The following DYRK1A variants were observed in gnomAD, a reference collection of about 807,000 sequenced individuals.
The protein encoded by DYRK1A is dual specificity tyrosine-phosphorylation-regulated kinase 1A.
In DYRK1A, 9 loss-of-function variants were observed where a neutral mutation model predicts 79.7. That is an observed-to-expected ratio of 0.11 (90% CI 0.07 to 0.20). The LOEUF is 0.20. Among genes scored for constraint, DYRK1A ranks in the 10% least tolerant of loss-of-function variants. The pLI, the probability that DYRK1A is intolerant of heterozygous loss-of-function variation, is 1.00. For missense variants in DYRK1A, 622 were observed against 956.0 expected, an observed-to-expected ratio of 0.65 and a Z score of 4.61; for synonymous variants, 349 against 329.7, an observed-to-expected ratio of 1.06 and a Z score of -0.63.
intron 2 of DYRK1A, among the ~76,000 whole-genome samples, chr21:37,465,452 C>T (rs922051166): frequency 6.6e-6 from 1 of 152,186 alleles, no homozygotes; most frequent in African/African-American, 2.4e-5. Context: ...GGATTATCCA[C>T]TACTTGAATT....
rs771988298 is a variant in DYRK1A, at chr21:37,511,933, C to T, written c.1667C>T (p.Pro556Leu). The T allele has an allele frequency of 3.1e-6, 5 of 1,613,362 alleles. No homozygotes were observed. The highest frequency in any genetic ancestry group is 1.1e-5 in the South Asian group (1 of 91,072). ...SPQVRQQFPA[P>L]LGWSGTEAPT... ...CAGGTGCGTCAGCAATTTCCTGCTC[C>T]TCTTGGTTGGTCAGGCACTGAAGCT... The change falls in exon 12 of 12, where the codon CCT (proline) becomes CTT (leucine). Residue 556 changes from proline (P) to leucine (L), a missense_variant. Physicochemically the swap from Pro to Leu is moderately conservative, Grantham distance 98. Around this residue, in one of 5 missense-constraint regions of DYRK1A, gnomAD observed 292 missense variants for 316.7 expected, o/e 0.92. Coordinates refer to ENST00000647188, the MANE Select transcript of DYRK1A (RefSeq NM_001347721.2).
intron 1 of DYRK1A, among the ~76,000 whole-genome samples, chr21:37,414,194 A>C (rs755526355): frequency 6.6e-6 from 1 of 152,066 alleles, no homozygotes; most frequent in Non-Finnish European, 1.5e-5. Flanking sequence ...TGATGGTGAC[A>C]CCCGTTACCC....
intron 1 of DYRK1A, among the ~76,000 whole-genome samples, chr21:37,410,343 C>T (rs1287794430): frequency 6.6e-6 from 1 of 152,084 alleles, no homozygotes; most frequent in Non-Finnish European, 1.5e-5. Context: ...ACAGTGTGAA[C>T]TTAAGTTGGT....
chr21:37,471,643 C>A (rs779716725), intron 2 of DYRK1A, among the ~76,000 whole-genome samples: 1 of 152,196 alleles, frequency 6.6e-6, no homozygotes, highest in Non-Finnish European at 1.5e-5. Context: ...CATGGCCATA[C>A]AGCTGGTCAC....
intron 1 of DYRK1A, among the ~76,000 whole-genome samples, chr21:37,380,378 T>A (rs543490553): frequency 2.2e-4 from 34 of 152,306 alleles, no homozygotes; most frequent in African/African-American, 7.2e-4. Flanking sequence ...TAGGATCTCA[T>A]TGAGTATTTT....
intron 2 of DYRK1A, among the ~76,000 whole-genome samples, chr21:37,457,397 T>TTGTGTG (rs908761225): frequency 5.3e-5 from 8 of 151,108 alleles, no homozygotes; most frequent in African/African-American, 1.7e-4. Flanking sequence ...GATCGCCTAA[T>TTGTGTG]TGTGTGTGTG....
At chr21:37,421,837 A>C (rs1446319295) in intron 2 of DYRK1A, 1 of 152,154 alleles carries the variant, frequency 6.6e-6, no homozygotes, top group Non-Finnish European at 1.5e-5. Flanking sequence ...CACATTGGCT[A>C]TACCAAGTAG....
At chr21:37,413,302 G>C (rs1231853400) in intron 1 of DYRK1A, among the ~76,000 whole-genome samples, 3 of 151,872 alleles carry the variant, frequency 2.0e-5, no homozygotes, top group Non-Finnish European at 4.4e-5. Context: ...TAAAGGCAAT[G>C]GTTTATAAAA....
intron 1 of DYRK1A, among the ~76,000 whole-genome samples, chr21:37,385,209 G>A (rs1256727950): frequency 6.6e-6 from 1 of 152,152 alleles, no homozygotes; most frequent in Non-Finnish European, 1.5e-5. Flanking sequence ...TCACCACAGA[G>A]TTAGTAGCTT....
chr21:37,431,653 C>T (rs1003337294), intron 2 of DYRK1A, among the ~76,000 whole-genome samples: 3 of 152,160 alleles, frequency 2.0e-5, no homozygotes, highest in Non-Finnish European at 4.4e-5. Context: ...AGCTTCCCAC[C>T]AAGGTTCTTG....
At chr21:37,380,975 A>C (rs1280590625) in intron 1 of DYRK1A, among the ~76,000 whole-genome samples, 2 of 152,158 alleles carry the variant, frequency 1.3e-5, no homozygotes, top group Non-Finnish European at 2.9e-5. Context: ...TCGTTTTAAA[A>C]ATCTCATGTG....
upstream of DYRK1A, among the ~76,000 whole-genome samples, chr21:37,366,363 G>A (rs1478524377): frequency 1.4e-5 from 2 of 145,392 alleles, no homozygotes; most frequent in Admixed American, 1.4e-4. Flanking sequence ...GGGGGCGGCG[G>A]CGCGGGAGGC....
At chr21:37,366,035 G>C (rs1006302425), upstream of DYRK1A, 3 of 152,106 alleles carry the variant, frequency 2.0e-5, no homozygotes, top group Non-Finnish European at 4.4e-5. Context: ...TCTGGGGCGC[G>C]GCGGTGGCTC....
In DYRK1A at chr21:37,478,422, G is replaced by A. The variant is rs541712834; in HGVS notation, c.300+122G>A. ...TAGTTGTCATATTGATGATTATTAT[G>A]AAGACTAATGATTTAGAAATAATAT... On this transcript the variant is annotated intron_variant, in intron 4 of 11. Coordinates refer to ENST00000647188, the MANE Select transcript of DYRK1A (RefSeq NM_001347721.2). 5.4e-4 allele frequency: 365 copies of A among 681,338 alleles called. 1 individual carries two copies. The highest frequency in any genetic ancestry group is 1.7e-3 in the Admixed American group (50 of 29,682). 42.2% of individuals were successfully genotyped at this position (681,338 alleles called of 1,614,324 possible). A position where few individuals can be genotyped will look rare whatever the true frequency, so the allele number is the denominator to read the frequency against.
intron 3 of DYRK1A, among the ~76,000 whole-genome samples, chr21:37,474,533 C>G (rs1018262050): frequency 3.3e-5 from 5 of 152,146 alleles, no homozygotes; most frequent in South Asian, 2.1e-4. Flanking sequence ...GTGGCATAGT[C>G]TAGTCATAGG....
At chr21:37,502,483 A>G (rs772943490) in intron 9 of DYRK1A, 1 of 152,162 alleles carries the variant, frequency 6.6e-6, no homozygotes, top group South Asian at 2.1e-4. Context: ...TTACCTTCAA[A>G]TAATAATATA....
At chr21:37,450,311 A>C (rs2051404492) in intron 2 of DYRK1A, among the ~76,000 whole-genome samples, 2 of 152,144 alleles carry the variant, frequency 1.3e-5, no homozygotes, top group South Asian at 2.1e-4. Context: ...TCAGATACCA[A>C]ATGGCCTAAA....
At chr21:37,511,106 C>T (rs1304759949) in intron 11 of DYRK1A, among the ~76,000 whole-genome samples, 1 of 152,062 alleles carries the variant, frequency 6.6e-6, no homozygotes, top group Non-Finnish European at 1.5e-5. Context: ...GAGATTTTGA[C>T]CCAGGGGAGG....
chr21:37,438,533 T>C (rs1323824449), intron 2 of DYRK1A, among the ~76,000 whole-genome samples: 1 of 152,214 alleles, frequency 6.6e-6, no homozygotes, highest in Non-Finnish European at 1.5e-5. Context: ...AGATCACTTT[T>C]TTTTGCAAAT....
Sources: gnomAD v4.1 joint callset for allele counts (sites outside exome capture counted in the v4.1 genomes callset) on GRCh38, gnomAD v4.1.1 for gene constraint, gnomAD v4.1.1 regional missense constraint, MANE v1.5 for transcripts, NCBI Gene and HGNC (gene_info 2026-07-23, HGNC 2026-07-21) for gene names.